SYNRG: variants seen among roughly 807,000 people sequenced by gnomAD.
SYNRG encodes the protein synergin gamma, also known as AP1 gamma subunit binding protein 1.
Under a neutral mutation model 130.9 loss-of-function variants are expected in SYNRG, and 37 were observed. The ratio of observed to expected loss-of-function variants is 0.28; its 90% confidence interval spans 0.22 to 0.37. The LOEUF is 0.37. Among genes scored for constraint, SYNRG ranks in the 10% least tolerant of loss-of-function variants. The probability of loss-of-function intolerance (pLI) is 1.00; values close to 1 mark genes in which losing one functional copy is unlikely to be tolerated. For missense variants in SYNRG, 1,338 were observed against 1,588.9 expected (o/e 0.84, Z 2.68); for synonymous variants, 539 against 568.1 (o/e 0.95, Z 0.73).
At chr17:37,573,399 TCAAAAA>T (rs976099572) in intron 8 of SYNRG, among the ~76,000 whole-genome samples, 2 of 152,050 alleles carry the variant, frequency 1.3e-5, no homozygotes, top group African/African-American at 2.4e-5. Context: ...TGGTTCCGTC[TCAAAAA>T]CAAACAAACA....
chr17:37,522,265 G>T (rs1472673796), intron 19 of SYNRG, among the ~76,000 whole-genome samples: 2 of 151,880 alleles, frequency 1.3e-5, no homozygotes, highest in Admixed American at 1.3e-4. Context: ...GAATTCCTGG[G>T]CTCAAGAGAT....
chr17:37,552,368 T>G (rs1213939598), intron 14 of SYNRG, among the ~76,000 whole-genome samples: 2 of 151,924 alleles, frequency 1.3e-5, no homozygotes, highest in Admixed American at 6.6e-5. Context: ...AATTGCTACA[T>G]GTAAATCTAC....
intron 6 of SYNRG, chr17:37,579,421 T>C (rs1381442483): frequency 4.4e-5 from 57 of 1,303,960 alleles, no homozygotes; most frequent in Non-Finnish European, 5.8e-5. Context: ...TAGAATGAGA[T>C]GATGTGGGGC....
At chr17:37,581,270 A>G (rs916378596) in intron 6 of SYNRG, among the ~76,000 whole-genome samples, 1 of 147,232 alleles carries the variant, frequency 6.8e-6, no homozygotes, top group African/African-American at 2.5e-5. Context: ...TATTATTATT[A>G]TTACTATTAT....
At chr17:37,587,881 C>T (rs1032137054) in intron 3 of SYNRG, among the ~76,000 whole-genome samples, 2 of 152,202 alleles carry the variant, frequency 1.3e-5, no homozygotes, top group African/African-American at 2.4e-5. Flanking sequence ...TTAGGCATCC[C>T]GACACTTGAC....
chr17:37,600,274 A>G (rs1372583077), intron 2 of SYNRG, 89 bp downstream of exon 2: 6 of 1,223,370 alleles, frequency 4.9e-6, no homozygotes, highest in Non-Finnish European at 6.7e-6. Context: ...CAGCAGCAAC[A>G]GAACTTATTT....
intron 6 of SYNRG, among the ~76,000 whole-genome samples, chr17:37,583,138 G>A (rs1245576922): frequency 1.3e-5 from 2 of 151,826 alleles, no homozygotes; most frequent in African/African-American, 2.4e-5. Flanking sequence ...TTATAGGGAC[G>A]TGCCACCATG....
chr17:37,537,783 C>A (rs748824085), intron 18 of SYNRG, among the ~76,000 whole-genome samples: 7 of 152,192 alleles, frequency 4.6e-5, no homozygotes, highest in Non-Finnish European at 1.0e-4. Flanking sequence ...GGAAAGATTT[C>A]ACTCAGAAGC....
chr17:37,543,943 C>T (rs2144979961), intron 14 of SYNRG, among the ~76,000 whole-genome samples: 2 of 152,362 alleles, frequency 1.3e-5, no homozygotes, highest in Middle Eastern at 3.4e-3. Flanking sequence ...ATGTGATTTA[C>T]AAGGAAAGTG....
At position 37,559,177 on chromosome 17, in the gene SYNRG, G is replaced by A. The variant is rs978551648; in HGVS notation, c.1663+2018C>T. Among the ~76,000 whole-genome samples the A allele has an allele frequency of 7.2e-5, 11 of 152,188 alleles. No individual in the cohort carries two copies. The East Asian group carries it at 1.5e-3, about 21-fold the overall frequency. On this transcript the variant is annotated intron_variant, in intron 13 of 21. Transcript: ENST00000612223. Reference sequence around the variant, plus strand: ...TTATATAATGCCTTTTTAATTGTACGCTCTAGTATTATAGATGTAAGACAG... The same window carrying A: ...TTATATAATGCCTTTTTAATTGTACACTCTAGTATTATAGATGTAAGACAG...
At chr17:37,594,151 G>A (rs1388020511) in intron 3 of SYNRG, among the ~76,000 whole-genome samples, 1 of 146,724 alleles carries the variant, frequency 6.8e-6, no homozygotes, top group Admixed American at 6.8e-5. Context: ...TAATGTTTAT[G>A]AATATTATTT....
At chr17:37,591,766 T>G (rs1027207312) in intron 3 of SYNRG, among the ~76,000 whole-genome samples, 7 of 152,014 alleles carry the variant, frequency 4.6e-5, no homozygotes, top group African/African-American at 7.2e-5. Context: ...AAGAGAGAGA[T>G]AAAAAACAAC....
intron 19 of SYNRG, among the ~76,000 whole-genome samples, chr17:37,533,188 G>A (rs927141843): frequency 4.6e-5 from 7 of 152,130 alleles, no homozygotes; most frequent in African/African-American, 1.7e-4. Flanking sequence ...ATCACTTGAG[G>A]CCAGGAGTTT....
chr17:37,578,199 C>T (rs944273602), intron 6 of SYNRG, among the ~76,000 whole-genome samples: 2 of 151,766 alleles, frequency 1.3e-5, no homozygotes, highest in Non-Finnish European at 2.9e-5. Context: ...GGCGTGGTGG[C>T]GGGCACCTGT....
chr17:37,515,205 A>C lies in SYNRG; in HGVS notation c.*3735T>G, dbSNP rs1221115823. 6.6e-6 allele frequency: 1 copy of C among 152,202 alleles called. No individual in the cohort carries two copies. The highest frequency in any genetic ancestry group is 1.5e-5 in the Non-Finnish European group (1 of 68,036). 9.4% of individuals were successfully genotyped at this position (152,202 alleles called of 1,614,324 possible). Reference sequence around the variant, plus strand: ...GCATTTTTCCCCCAAGAGCTGTTTCACTTAAGCTTTATTTCCTCGGCCTGG... The same window carrying C: ...GCATTTTTCCCCCAAGAGCTGTTTCCCTTAAGCTTTATTTCCTCGGCCTGG... On this transcript the variant is annotated 3_prime_UTR_variant, in exon 22 of 22. Transcript: ENST00000612223.
Position 37,553,973 on chromosome 17 carries a change from G to C in SYNRG, c.1750C>G (p.Pro584Ala), listed in dbSNP as rs770231782. The stretch of plus-strand genomic sequence containing the variant: ...GGAAAAGTTTTGTCTTTTGTTGGTG[G>C]CTCTAGTGGTGATACACTATCGGCT... ...KTADSVSPLEPPTKDKTFPPS... is the reference protein window; with the variant it reads ...KTADSVSPLEAPTKDKTFPPS... Residue 584 changes from proline (P) to alanine (A), a missense_variant, in exon 14 of 22, where the codon CCA (proline) becomes GCA (alanine). Physicochemically the swap from Pro to Ala is conservative, Grantham distance 27 (BLOSUM62 -1). This residue lies in a region of SYNRG where 1,146 missense variants were observed against 1,342.3 expected (regional missense o/e 0.85). Coordinates refer to ENST00000612223, the MANE Select transcript of SYNRG (RefSeq NM_007247.6). The C allele has an allele frequency of 1.1e-5, 17 of 1,610,598 alleles. No individual in the cohort carries two copies. The highest frequency in any genetic ancestry group is 1.7e-5 in the Admixed American group (1 of 58,550).
rs1352710950 is a variant in SYNRG at position 37,609,413 on chromosome 17, G to A, written c.-58C>T. On this transcript the variant is annotated 5_prime_UTR_variant, in exon 1 of 22. Transcript: ENST00000612223. ...GCCACCTTATCAGCAGCTGTCAGCTGAACACAGCCACTTCCGGGTCAAACA... is the reference window on the plus strand; with the variant it reads ...GCCACCTTATCAGCAGCTGTCAGCTAAACACAGCCACTTCCGGGTCAAACA... 7 of 1,348,842 alleles carry A rather than the reference G, an allele frequency of 5.2e-6. No homozygotes were observed. The East Asian group carries it at 2.2e-4, about 42-fold the overall frequency. The allele number at this position is 1,348,842 out of a possible 1,614,324, so 83.6% of individuals were successfully genotyped here.
chr17:37,521,784 G>T (rs555652701), intron 19 of SYNRG, among the ~76,000 whole-genome samples: 1 of 152,200 alleles, frequency 6.6e-6, no homozygotes, highest in African/African-American at 2.4e-5. Context: ...GCACGTGAAA[G>T]AGCTGACGAG....
intron 6 of SYNRG, among the ~76,000 whole-genome samples, chr17:37,578,633 A>C (rs1236243118): frequency 2.6e-5 from 4 of 152,200 alleles, no homozygotes; most frequent in Non-Finnish European, 4.4e-5. Context: ...CATGTCTGCC[A>C]AGATCCCTCC....
Sources: allele counts gnomAD v4.1 joint callset (sites outside exome capture counted in the v4.1 genomes callset), GRCh38; gene constraint gnomAD v4.1.1; regional missense constraint gnomAD v4.1.1; transcripts MANE v1.5; gene names NCBI Gene and HGNC (gene_info 2026-07-23, HGNC 2026-07-21).